Variants in SLC15A3 observed in about 807,000 individuals in gnomAD.
SLC15A3 encodes the protein solute carrier family 15 member 3, also known as osteoclast transporter.
A neutral mutation model predicts 49.2 loss-of-function variants in SLC15A3; 39 were observed. That is an observed-to-expected ratio of 0.79 (90% CI 0.61 to 1.04). SLC15A3 has a LOEUF of 1.04. Among genes scored for constraint, SLC15A3 ranks in the 50% least tolerant of loss-of-function variants. The pLI, the probability that SLC15A3 is intolerant of heterozygous loss-of-function variation, is 0.00. For synonymous variants in SLC15A3, 339 were observed against 367.0 expected, an observed-to-expected ratio of 0.92 and a Z score of 0.87; for missense variants, 758 against 794.8, an observed-to-expected ratio of 0.95 and a Z score of 0.56.
intron 1 of SLC15A3, 23 bp downstream of exon 1, chr11:60,950,971 G>C (rs1435376583): frequency 2.1e-6 from 3 of 1,412,758 alleles, no homozygotes; most frequent in Non-Finnish European, 2.8e-6. Flanking sequence ...GGAGTATGCC[G>C]GGGCAGGCCT....
chr11:60,938,628 C>T lies in SLC15A3; in HGVS notation c.1436-603G>A, dbSNP rs146039752. Among the ~76,000 whole-genome samples, 632 of 152,248 alleles carry T rather than the reference C, an allele frequency of 4.2e-3. 8 individuals are homozygous for T. Among genetic ancestry groups the T allele is most frequent in the African/African-American group, 0.014 (598 of 41,532 alleles). ...GAAATCCCAAGGTGCAGGCTCAGCGCACAAAGCCCTTCGACACTTCGGCTC... is the reference window on the plus strand; with the variant it reads ...GAAATCCCAAGGTGCAGGCTCAGCGTACAAAGCCCTTCGACACTTCGGCTC... On this transcript the variant is annotated intron_variant, in intron 6 of 7. Coordinates refer to ENST00000227880, the MANE Select transcript of SLC15A3 (RefSeq NM_016582.3).
intron 5 of SLC15A3, 63 bp from the exon 6 acceptor site, chr11:60,939,701 A>G: frequency 6.4e-7 from 1 of 1,574,154 alleles, no homozygotes; most frequent in South Asian, 1.2e-5. Flanking sequence ...CCCACAGAAG[A>G]GCTTGTACAT....
chr11:60,949,966 C>T (rs1198919387), intron 1 of SLC15A3, among the ~76,000 whole-genome samples: 1 of 152,186 alleles, frequency 6.6e-6, no homozygotes, highest in Non-Finnish European at 1.5e-5. Flanking sequence ...AAATTATTGT[C>T]TAATATCCCA....
Position 60,951,676 on chromosome 11 carries a change from C to T in SLC15A3, c.-125G>A, listed in dbSNP as rs76022155. ...CCAACTGGCTGGCCCTCCTTTCTCA[C>T]CGCTTTGGCCCACCCTTCCCTCCTG... On this transcript the variant is annotated 5_prime_UTR_variant, in exon 1 of 8. In the 5' UTR this introduces an upstream ATG that the reference lacks. Transcript: ENST00000227880. The T allele has an allele frequency of 5.2e-4, 372 of 718,732 alleles. 2 individuals are homozygous for T. In the African/African-American group the frequency reaches 6.4e-3, roughly 12 times the overall value. 44.5% of individuals were successfully genotyped at this position (718,732 alleles called of 1,614,324 possible).
chr11:60,950,648 G>A (rs1047491528), intron 1 of SLC15A3, among the ~76,000 whole-genome samples: 84 of 152,002 alleles, frequency 5.5e-4, no homozygotes, highest in African/African-American at 2.0e-3. Context: ...AAAATTAGTT[G>A]GGCGTGGTGG....
rs1160753724 is a variant in SLC15A3 at position 60,942,145 on chromosome 11, T to C, written c.997A>G (p.Met333Val). Residue 333 changes from methionine (M) to valine (V), a missense_variant and splice_region_variant, in exon 4 of 8, where the codon ATG becomes GTG. Met to Val is a conservative substitution (Grantham distance 21). Around this residue, in one of 3 missense-constraint regions of SLC15A3, gnomAD observed 699 missense variants for 706.7 expected, o/e 0.99. Coordinates refer to ENST00000227880, the MANE Select transcript of SLC15A3 (RefSeq NM_016582.3). Reference protein sequence around the residue: ...LVPYWMVYFQMQSTYVLQGLH... With the variant: ...LVPYWMVYFQVQSTYVLQGLH... Reference sequence around the variant, plus strand: ...CCCTGCAGGACATAGGTGGACTGCATCTGCCAAGAGAGACAGGGGTGAGGC... The same window carrying C: ...CCCTGCAGGACATAGGTGGACTGCACCTGCCAAGAGAGACAGGGGTGAGGC... 8.7e-6 allele frequency: 14 copies of C among 1,612,608 alleles called. No individual in the cohort carries two copies. Among genetic ancestry groups the C allele is most frequent in the African/African-American group, 1.3e-5 (1 of 74,878 alleles).
chr11:60,938,718 A>T (rs1431167288), intron 6 of SLC15A3, among the ~76,000 whole-genome samples: 1 of 152,132 alleles, frequency 6.6e-6, no homozygotes, highest in Admixed American at 6.5e-5. Context: ...GCCTTTGCTT[A>T]TGCTGTTCCC....
At chr11:60,946,177 A>G (rs1856798184) in intron 2 of SLC15A3, among the ~76,000 whole-genome samples, 1 of 151,974 alleles carries the variant, frequency 6.6e-6, no homozygotes, top group South Asian at 2.1e-4. Flanking sequence ...ATTTTTTTGT[A>G]GAGATGAGGT....
In SLC15A3 at chr11:60,939,508, C is replaced by A. The variant is rs750687412; in HGVS notation, c.1407G>T (p.Gly469=). The change falls in exon 6 of 8, where the codon GGG becomes GGT. Residue 469 remains glycine, a synonymous_variant. Transcript: ENST00000227880. The part of the protein sequence containing the change: ...WWQIPQYLLI[G]ISEIFASIPG... Reference sequence around the variant, plus strand: ...GGATGCTGGCAAAGATCTCACTGATCCCAATGAGCAGGTACTGAGGGATCT... The same window carrying A: ...GGATGCTGGCAAAGATCTCACTGATACCAATGAGCAGGTACTGAGGGATCT... 6 of 1,614,152 alleles carry A rather than the reference C, an allele frequency of 3.7e-6. No homozygotes were observed. The highest frequency in any genetic ancestry group is 3.3e-5 in the Admixed American group (2 of 60,020).
rs1856938032 is a variant in SLC15A3 at position 60,951,952 on chromosome 11, C to A, written c.-401G>T. 6.6e-6 allele frequency among the ~76,000 whole-genome samples: 1 copy of A among 151,946 alleles called. No homozygotes were observed. Among genetic ancestry groups the A allele is most frequent in the Admixed American group, 6.6e-5 (1 of 15,260 alleles). On this transcript the variant is annotated 5_prime_UTR_variant, in exon 1 of 8. Transcript: ENST00000227880. ...TGCCCCTCCGCCTCCCTTTCCCCTC[C>A]CCGTTTGTCGCCCCTTCCTGTTGTC...
intron 2 of SLC15A3, among the ~76,000 whole-genome samples, chr11:60,945,496 T>G (rs1047814442): frequency 3.9e-5 from 6 of 152,238 alleles, no homozygotes; most frequent in African/African-American, 1.4e-4. Context: ...CAGCGATAGG[T>G]AATGAAAACC....
In SLC15A3 at chr11:60,943,725, C is replaced by T; in HGVS notation, c.960G>A (p.Met320Ile). 6.2e-7 allele frequency: 1 copy of T among 1,601,280 alleles called. No individual in the cohort carries two copies. The highest frequency in any genetic ancestry group is 1.1e-5 in the South Asian group (1 of 89,034). ...CCATCCAGTAGGGCACCAGGGTCAC[C>T]ATGACGGGCAAGATCTTCACCAGCA... Reference protein sequence around the residue: ...FQVLVKILPVMVTLVPYWMVY... With the variant: ...FQVLVKILPVIVTLVPYWMVY... Residue 320 changes from methionine to isoleucine, a missense_variant, in exon 3 of 8, where the codon ATG (methionine) becomes ATA (isoleucine). Met to Ile is a conservative substitution (Grantham distance 10). Around this residue, in one of 3 missense-constraint regions of SLC15A3, gnomAD observed 699 missense variants for 706.7 expected, o/e 0.99. Transcript: ENST00000227880.
chr11:60,941,995 C>G (rs1168672219), intron 4 of SLC15A3, 40 bp downstream of exon 4: 3 of 1,583,014 alleles, frequency 1.9e-6, no homozygotes, highest in Non-Finnish European at 2.6e-6. Flanking sequence ...AAGCCGCTAC[C>G]TGGCTGAACT....
chr11:60,941,194 T>C lies in SLC15A3; in HGVS notation c.1204A>G (p.Lys402Glu). The change falls in exon 5 of 8, where the codon AAG becomes GAG. Residue 402 changes from lysine (K) to glutamate (E), a missense_variant. Physicochemically the swap from Lys to Glu is moderately conservative, Grantham distance 56 (BLOSUM62 1). Around this residue, in one of 3 missense-constraint regions of SLC15A3, gnomAD observed 699 missense variants for 706.7 expected, o/e 0.99. Coordinates refer to ENST00000227880, the MANE Select transcript of SLC15A3 (RefSeq NM_016582.3). ...RLIDPLLLRC[K>E]LLPSALQKMA... ...TTCTGCAGAGCAGAGGGAAGCAGCT[T>C]GCACCGCAGCAGTAAAGGGTCGATC... 6 of 1,614,184 alleles carry C rather than the reference T, an allele frequency of 3.7e-6. No individual in the cohort carries two copies. The South Asian group carries it at 6.6e-5, about 18-fold the overall frequency.
At position 60,943,826 on chromosome 11, in the gene SLC15A3, A is replaced by G. The variant is rs1364357683; in HGVS notation, c.859T>C (p.Cys287Arg). The G allele has an allele frequency of 3.8e-6, 6 of 1,587,570 alleles. No homozygotes were observed. Among genetic ancestry groups the G allele is most frequent in the South Asian group, 2.3e-5 (2 of 87,530 alleles). The change falls in exon 3 of 8, where the codon TGT becomes CGT. Residue 287 changes from cysteine (C) to arginine (R), a missense_variant. Physicochemically the swap from Cys to Arg is radical, Grantham distance 180 (BLOSUM62 -3). Coordinates refer to ENST00000227880, the MANE Select transcript of SLC15A3 (RefSeq NM_016582.3). ...WQRHSARDRQ[C>R]ARVLADERSP... is the part of the protein sequence containing the mutation. ...CTCTCGTCGGCCAGCACGCGGGCAC[A>G]TTGACGGTCTCTGTGAGACCCCAGA... is the stretch of plus-strand genomic sequence containing the variant.
chr11:60,937,849 C>T, intron 7 of SLC15A3, 21 bp downstream of exon 7: 1 of 1,610,776 alleles, frequency 6.2e-7, no homozygotes, highest in Non-Finnish European at 8.5e-7. Flanking sequence ...TGTCCCACTC[C>T]TGGGGAGGCC....
At position 60,941,178 on chromosome 11, in the gene SLC15A3, G is replaced by A; in HGVS notation, c.1220C>T (p.Ala407Val). ...CATCCCCAGCGCCATCTTCTGCAGAGCAGAGGGAAGCAGCTTGCACCGCAG... is the reference window on the plus strand; with the variant it reads ...CATCCCCAGCGCCATCTTCTGCAGAACAGAGGGAAGCAGCTTGCACCGCAG... The part of the protein sequence containing the change: ...LLLRCKLLPS[A>V]LQKMALGMFF... The change falls in exon 5 of 8, where the codon GCT (alanine) becomes GTT (valine). Residue 407 changes from alanine to valine, a missense_variant. Transcript: ENST00000227880. The A allele has an allele frequency of 6.2e-7, 1 of 1,614,136 alleles. No individual in the cohort carries two copies. The highest frequency in any genetic ancestry group is 8.5e-7 in the Non-Finnish European group (1 of 1,179,996).
At chr11:60,939,953 A>G (rs1393218368) in intron 5 of SLC15A3, 1 of 287,220 alleles carries the variant, frequency 3.5e-6, no homozygotes, top group Non-Finnish European at 6.6e-6. Context: ...TGAAATAACT[A>G]GCACTTTCAA....
chr11:60,949,503 G>GGAAAGAAA (rs1205207226), intron 1 of SLC15A3, among the ~76,000 whole-genome samples: 1,792 of 64,710 alleles, frequency 0.028, 105 homozygotes, highest in Middle Eastern at 0.069. Context: ...AAAGAAAGAA[G>GGAAAGAAA]GAAAGAAAGA....
Sources: allele counts gnomAD v4.1 joint callset (sites outside exome capture counted in the v4.1 genomes callset), GRCh38; gene constraint gnomAD v4.1.1; regional missense constraint gnomAD v4.1.1; transcripts MANE v1.5; gene names NCBI Gene and HGNC (gene_info 2026-07-23, HGNC 2026-07-21).